IKBKE: variants seen among roughly 807,000 people sequenced by gnomAD.
The protein encoded by IKBKE is inhibitor of nuclear factor kappa-B kinase subunit epsilon.
Under a neutral mutation model 92.1 loss-of-function variants are expected in IKBKE, and 45 were observed. That is an observed-to-expected ratio of 0.49 (90% CI 0.38 to 0.63). The LOEUF (loss-of-function observed/expected upper bound fraction) is 0.63. Ranked by LOEUF, IKBKE falls within the 20% of genes least tolerant of loss-of-function variation. IKBKE has a pLI of 0.00. For synonymous variants in IKBKE, 374 were observed against 380.3 expected (o/e 0.98, Z 0.19); for missense variants, 700 against 932.8 (o/e 0.75, Z 3.25).
At chr1:206,493,215 C>A (rs782406723) in intron 19 of IKBKE, 51 bp from the exon 20 acceptor site, 3 of 1,569,684 alleles carry the variant, frequency 1.9e-6, no homozygotes, top group South Asian at 2.2e-5. Flanking sequence ...CCCTACCCAG[C>A]CACACATAAG....
chr1:206,477,895 C>G (rs1665157809), intron 8 of IKBKE, 36 bp downstream of exon 8: 1 of 1,370,188 alleles, frequency 7.3e-7, no homozygotes, highest in African/African-American at 1.4e-5. Flanking sequence ...ATGCTGGAGT[C>G]TGAGCTGGGT....
intron 13 of IKBKE, among the ~76,000 whole-genome samples, chr1:206,481,751 T>C (rs1215317334): frequency 7.0e-6 from 1 of 143,810 alleles, no homozygotes; most frequent in East Asian, 2.2e-4. Context: ...ACGGAGGCCT[T>C]CCTGAAGGAT....
intron 13 of IKBKE, among the ~76,000 whole-genome samples, chr1:206,483,212 A>G (rs1665490696): frequency 6.6e-6 from 1 of 152,248 alleles, no homozygotes; most frequent in African/African-American, 2.4e-5. Context: ...CGCAGGAAGG[A>G]AATTTGTCTC....
chr1:206,477,547 C>A (rs1665135758), intron 7 of IKBKE, among the ~76,000 whole-genome samples: 2 of 152,014 alleles, frequency 1.3e-5, no homozygotes, highest in Admixed American at 1.3e-4. Flanking sequence ...GGTGTCTCTA[C>A]CTGAAGCAAA....
Position 206,479,136 on chromosome 1 carries a change from G to A in IKBKE, c.1183+3G>A. ...TAAGGGGCTGGCCTTCAGGGACCGT[G>A]AGTAGAGCCACCTGGGCTGGATCTT... On this transcript the variant is annotated splice_donor_region_variant and intron_variant, in intron 10 of 21. Coordinates refer to ENST00000581977, the MANE Select transcript of IKBKE (RefSeq NM_014002.4). 6.3e-7 allele frequency: 1 copy of A among 1,586,228 alleles called. No individual in the cohort carries two copies. Among genetic ancestry groups the A allele is most frequent in the Non-Finnish European group, 8.6e-7 (1 of 1,166,094 alleles).
intron 13 of IKBKE, among the ~76,000 whole-genome samples, chr1:206,482,369 A>C (rs1394634383): frequency 1.3e-5 from 2 of 152,170 alleles, no homozygotes; most frequent in African/African-American, 4.8e-5. Context: ...TTGACCTGGA[A>C]AGATGTGTTT....
chr1:206,493,346 C>A lies in IKBKE; in HGVS notation c.2013C>A (p.Tyr671Ter), dbSNP rs1553391213. ...CCTCGCCGCCTCCCATAGCTCCTTA[C>A]CCCAGCCCTACACGAAAGGACCTGC... is the stretch of plus-strand genomic sequence containing the variant. ...AQASPPPIAP[Y>*]PSPTRKDLLL... The change falls in exon 20 of 22, where the codon TAC becomes TAA. Residue 671 changes from tyrosine (Y) to a stop codon, truncating the protein, a stop_gained. Coordinates refer to ENST00000581977, the MANE Select transcript of IKBKE (RefSeq NM_014002.4). LOFTEE classifies it high-confidence loss of function. The A allele has an allele frequency of 1.2e-6, 2 of 1,613,808 alleles. No homozygotes were observed. The highest frequency in any genetic ancestry group is 1.7e-6 in the Non-Finnish European group (2 of 1,179,710).
In IKBKE at chr1:206,485,870, A is replaced by AC. The variant is rs1665625120; in HGVS notation, c.1616+570dup. Among the ~76,000 whole-genome samples the AC allele has an allele frequency of 6.6e-6, 1 of 151,386 alleles. No homozygotes were observed. ...TCTCCCTTTTAACAGACATAAAAAT[A>AC]CCCCCCTCCCCCAGGCCCCAGCTGA... On this transcript the variant is annotated intron_variant, in intron 15 of 21. Transcript: ENST00000581977. The surrounding 1 kb of genome is among the most constrained non-coding windows in gnomAD (Gnocchi z 5.0).
Position 206,493,969 on chromosome 1 carries a change from G to A in IKBKE, c.2095G>A (p.Asp699Asn). Reference sequence around the variant, plus strand: ...GAAGCTGCTGGCATCTGACCTCCTGGACAACAACCGCATCATCGAACGGTA... The same window carrying A: ...GAAGCTGCTGGCATCTGACCTCCTGAACAACAACCGCATCATCGAACGGTA... ...GMKLLASDLL[D>N]NNRIIERLNR... The change falls in exon 21 of 22, where the codon GAC (aspartate) becomes AAC (asparagine). Residue 699 changes from aspartate (D) to asparagine (N), a missense_variant. By Grantham distance (23) the Asp-to-Asn change is conservative. Transcript: ENST00000581977. The A allele has an allele frequency of 6.2e-7, 1 of 1,614,074 alleles. No individual in the cohort carries two copies. The highest frequency in any genetic ancestry group is 1.3e-5 in the African/African-American group (1 of 75,068).
Position 206,476,038 on chromosome 1 carries a change from CCTT to C in IKBKE, c.359-140_359-138del. 1 of 717,712 alleles carries C rather than the reference CCTT, an allele frequency of 1.4e-6. No homozygotes were observed. The highest frequency in any genetic ancestry group is 2.4e-6 in the Non-Finnish European group (1 of 419,036). 44.5% of individuals were successfully genotyped at this position (717,712 alleles called of 1,614,324 possible). A position where few individuals can be genotyped will look rare whatever the true frequency, so the allele number is the denominator to read the frequency against. On this transcript the variant is annotated intron_variant, in intron 5 of 21. Transcript: ENST00000581977. The surrounding 1 kb of genome is among the most constrained non-coding windows in gnomAD (Gnocchi z 5.1). ...CCCTAAGCCCCATGCATGTCTCTGT[CCTT>C]CTGCCTGTCCCATGGCTCTGTCAGC...
Position 206,490,788 on chromosome 1 carries a change from A to C in IKBKE, c.1694-31A>C. The C allele has an allele frequency of 6.2e-7, 1 of 1,611,214 alleles. No homozygotes were observed. Among genetic ancestry groups the C allele is most frequent in the South Asian group, 1.1e-5 (1 of 91,028 alleles). On this transcript the variant is annotated intron_variant, in intron 16 of 21. Transcript: ENST00000581977. This position sits in a 1 kb window ranked among gnomAD's most constrained non-coding sequence, Gnocchi z 5.2. ...ACACTGTTTCGTTGACTGATTGAATAGGTGACATCTGTTCTGTCTGTTTCC... is the reference window on the plus strand; with the variant it reads ...ACACTGTTTCGTTGACTGATTGAATCGGTGACATCTGTTCTGTCTGTTTCC...
rs148974931 is a variant in IKBKE at position 206,495,350 on chromosome 1, T to C, written c.2118-762T>C. The stretch of plus-strand genomic sequence containing the variant: ...TAATTTCTACCTCATGGTGTTGACA[T>C]AGGGATTTAAAAAAATGAGATATGC... On this transcript the variant is annotated intron_variant, in intron 21 of 21. Transcript: ENST00000581977. 1.7e-3 allele frequency among the ~76,000 whole-genome samples: 257 copies of C among 152,238 alleles called. 1 individual carries two copies. The highest frequency in any genetic ancestry group is 5.6e-3 in the African/African-American group (234 of 41,514).
At position 206,485,173 on chromosome 1, in the gene IKBKE, G is replaced by T. The variant is rs782360091; in HGVS notation, c.1504-21G>T. ...TGCCCAGGCTGAAGACCCCACGGGG[G>T]TCTGCCTTTGTGCCCCACAGCTAGC... On this transcript the variant is annotated intron_variant, in intron 14 of 21. Coordinates refer to ENST00000581977, the MANE Select transcript of IKBKE (RefSeq NM_014002.4). This position sits in a 1 kb window ranked among gnomAD's most constrained non-coding sequence, Gnocchi z 5.0. 12 of 1,598,016 alleles carry T rather than the reference G, an allele frequency of 7.5e-6. No individual in the cohort carries two copies. Among genetic ancestry groups the T allele is most frequent in the Admixed American group, 5.0e-5 (3 of 60,002 alleles).
chr1:206,493,212 C>G, intron 19 of IKBKE, 54 bp from the exon 20 acceptor site: 1 of 1,564,184 alleles, frequency 6.4e-7, no homozygotes. Flanking sequence ...TCCCCCTACC[C>G]AGCCACACAT....
In IKBKE at chr1:206,480,103, C is replaced by T. The variant is rs1665292020; in HGVS notation, c.1330C>T (p.His444Tyr). 1 of 1,578,536 alleles carries T rather than the reference C, an allele frequency of 6.3e-7. No individual in the cohort carries two copies. Among genetic ancestry groups the T allele is most frequent in the Non-Finnish European group, 8.6e-7 (1 of 1,165,394 alleles). The stretch of plus-strand genomic sequence containing the variant: ...GCAGGAGCTAATGTTTCGGGGGCTG[C>T]ACTGGGTCATGTGAGTAATCATGAG... ...DGQELMFRGL[H>Y]WVMEVLQATC... Residue 444 changes from histidine to tyrosine, a missense_variant, in exon 12 of 22, where the codon CAC becomes TAC. Transcript: ENST00000581977.
At position 206,496,135 on chromosome 1, in the gene IKBKE, C is replaced by A. The variant is rs782526058; in HGVS notation, c.2141C>A (p.Pro714His). ...IERLNRVPAP[P>H]DV ...AGGCTAAATAGAGTCCCAGCACCTCCTGATGTCTGAGCTCCATGGGGCACA... is the reference window on the plus strand; with the variant it reads ...AGGCTAAATAGAGTCCCAGCACCTCATGATGTCTGAGCTCCATGGGGCACA... The change falls in exon 22 of 22, where the codon CCT becomes CAT. Residue 714 changes from proline to histidine, a missense_variant. By Grantham distance (77) the Pro-to-His change is moderately conservative. Coordinates refer to ENST00000581977, the MANE Select transcript of IKBKE (RefSeq NM_014002.4). 6.2e-7 allele frequency: 1 copy of A among 1,613,074 alleles called. No homozygotes were observed. Among genetic ancestry groups the A allele is most frequent in the African/African-American group, 1.3e-5 (1 of 74,904 alleles).
chr1:206,484,342 A>G (rs1400487596), intron 13 of IKBKE, among the ~76,000 whole-genome samples: 2 of 152,136 alleles, frequency 1.3e-5, no homozygotes, highest in Non-Finnish European at 2.9e-5. Flanking sequence ...ATTTTTTGCT[A>G]GAATACATTA....
rs782501971 is a variant in IKBKE, at chr1:206,479,100, A to C, written c.1150A>C (p.Thr384Pro). ...TASSPLTLFS[T>P]AIPKGLAFRD... ...AAGCAGCCCCCTGACCCTCTTCAGCACAGCCATCCCTAAGGGGCTGGCCTT... is the reference window on the plus strand; with the variant it reads ...AAGCAGCCCCCTGACCCTCTTCAGCCCAGCCATCCCTAAGGGGCTGGCCTT... Residue 384 changes from threonine (T) to proline (P), a missense_variant, in exon 10 of 22, where the codon ACA becomes CCA. Transcript: ENST00000581977. 6.2e-7 allele frequency: 1 copy of C among 1,611,802 alleles called. No individual in the cohort carries two copies. The highest frequency in any genetic ancestry group is 1.3e-5 in the African/African-American group (1 of 74,920).
rs781948706 is a variant in IKBKE at position 206,473,275 on chromosome 1, G to A, written c.48G>A (p.Gly16=). 1 of 1,613,022 alleles carries A rather than the reference G, an allele frequency of 6.2e-7. No homozygotes were observed. Among genetic ancestry groups the A allele is most frequent in the African/African-American group, 1.3e-5 (1 of 75,040 alleles). The change falls in exon 3 of 22, where the codon GGG becomes GGA. Residue 16 remains glycine (G), a synonymous_variant. Transcript: ENST00000581977. ...NYLWHTDDLL[G]QGATASVYKA... The stretch of plus-strand genomic sequence containing the variant: ...TGTGGCACACAGATGACCTGCTGGG[G>A]CAGGGGGCCACTGCCAGTGTGTACA...
Sources: allele counts gnomAD v4.1 joint callset (sites outside exome capture counted in the v4.1 genomes callset), GRCh38; gene constraint gnomAD v4.1.1; non-coding constraint Gnocchi (gnomAD v3.1); transcripts MANE v1.5; gene names NCBI Gene and HGNC (gene_info 2026-07-23, HGNC 2026-07-21).